The following MCPH1 variants were observed in gnomAD, a reference collection of about 807,000 sequenced individuals.
The protein encoded by MCPH1 is microcephalin 1.
MCPH1 carries 104 observed loss-of-function variants against 84.5 expected under a neutral mutation model. The observed-to-expected ratio is 1.23, with a 90% CI of 1.05 to 1.45. The LOEUF (loss-of-function observed/expected upper bound fraction) is 1.45. Ranked by LOEUF, MCPH1 falls within the 40% of genes most tolerant of loss-of-function variation. The probability of loss-of-function intolerance (pLI) is 0.00; values close to 1 mark genes in which losing one functional copy is unlikely to be tolerated. For synonymous variants in MCPH1, 514 were observed against 366.8 expected, an observed-to-expected ratio of 1.40 and a Z score of -4.58; for missense variants, 1,498 against 1,005.7, an observed-to-expected ratio of 1.49 and a Z score of -6.62.
chr8:6,434,150 C>A (rs1802297668), intron 4 of MCPH1, among the ~76,000 whole-genome samples: 1 of 152,190 alleles, frequency 6.6e-6, no homozygotes, highest in South Asian at 2.1e-4. Flanking sequence ...ACTGGCTCCT[C>A]CTAACACACT....
intron 12 of MCPH1, chr8:6,620,102 T>A (rs951395312): frequency 6.6e-6 from 1 of 152,186 alleles, no homozygotes; most frequent in Non-Finnish European, 1.5e-5. Context: ...TTCCACTGCC[T>A]ATCTCGCAGG....
At chr8:6,551,265 A>G (rs1409245033) in intron 12 of MCPH1, among the ~76,000 whole-genome samples, 1 of 151,898 alleles carries the variant, frequency 6.6e-6, no homozygotes, top group African/African-American at 2.4e-5. Context: ...GAGACTGTTT[A>G]TTTTAGTGGT....
chr8:6,507,643 C>G (rs1198393194), intron 12 of MCPH1: 1 of 135,450 alleles, frequency 7.4e-6, no homozygotes, highest in South Asian at 2.3e-4. Context: ...GTGGCACGAT[C>G]TTGGGTTACT....
chr8:6,592,769 C>G (rs1828602496), intron 12 of MCPH1, among the ~76,000 whole-genome samples: 2 of 151,440 alleles, frequency 1.3e-5, no homozygotes, highest in Admixed American at 6.6e-5. Flanking sequence ...ATCCTCCAAC[C>G]TCAGCCTCCT....
intron 12 of MCPH1, among the ~76,000 whole-genome samples, chr8:6,611,804 G>A (rs1830297180): frequency 6.6e-6 from 1 of 152,046 alleles, no homozygotes; most frequent in African/African-American, 2.4e-5. Flanking sequence ...ATTTTTAGCG[G>A]AGACGGGGTT....
chr8:6,422,826 C>G (rs1333971830), intron 3 of MCPH1, among the ~76,000 whole-genome samples: 2 of 152,062 alleles, frequency 1.3e-5, no homozygotes, highest in East Asian at 1.9e-4. Context: ...GTAGCTGGGA[C>G]TACCGGAGCC....
chr8:6,501,440 A>T (rs1275527007), intron 12 of MCPH1: 1 of 152,178 alleles, frequency 6.6e-6, no homozygotes, highest in Non-Finnish European at 1.5e-5. Context: ...CTTTACACAA[A>T]TGTTCATTAG....
intron 13 of MCPH1, chr8:6,625,617 A>C (rs1831991401): frequency 3.0e-6 from 3 of 985,402 alleles, no homozygotes; most frequent in Non-Finnish European, 3.6e-6. Context: ...CTGCTTTGTA[A>C]GGTAGGGTCC....
At position 6,508,737 on chromosome 8, in the gene MCPH1, C is replaced by T. The variant is rs147336625; in HGVS notation, c.2214+8808C>T. On this transcript the variant is annotated intron_variant, in intron 12 of 13. Coordinates refer to ENST00000344683, the MANE Select transcript of MCPH1 (RefSeq NM_024596.5). ...ACAGTTGGCTTGCTGACAAGTCTAG[C>T]TCCATATCATATTCTCACTTAAAAC... The T allele has an allele frequency of 3.6e-5, 27 of 747,944 alleles. No individual in the cohort carries two copies. The African/African-American group carries it at 4.0e-4, about 11-fold the overall frequency. The allele number at this position is 747,944 out of a possible 1,614,324, so 46.3% of individuals were successfully genotyped here.
chr8:6,509,935 A>G (rs1314045541), intron 12 of MCPH1, among the ~76,000 whole-genome samples: 4 of 152,176 alleles, frequency 2.6e-5, no homozygotes, highest in Non-Finnish European at 5.9e-5. Context: ...ATCATGAGGG[A>G]GCATCGTGCC....
intron 12 of MCPH1, among the ~76,000 whole-genome samples, chr8:6,579,991 C>T (rs1336757242): frequency 6.6e-6 from 1 of 152,212 alleles, no homozygotes; most frequent in Non-Finnish European, 1.5e-5. Context: ...GTGGCTGCCC[C>T]ATCCCTGGCC....
intron 12 of MCPH1, among the ~76,000 whole-genome samples, chr8:6,610,763 C>T (rs774492965): frequency 6.6e-6 from 1 of 152,080 alleles, no homozygotes; most frequent in South Asian, 2.1e-4. Context: ...GTTGACAGAA[C>T]TGTCTTCATA....
intron 9 of MCPH1, among the ~76,000 whole-genome samples, chr8:6,463,236 G>C (rs1216021900): frequency 6.6e-6 from 1 of 152,188 alleles, no homozygotes; most frequent in African/African-American, 2.4e-5. Context: ...GCAGAAGACT[G>C]AGTTCTGCGG....
At chr8:6,464,681 C>CTCT (rs1447263181) in intron 9 of MCPH1, among the ~76,000 whole-genome samples, 2 of 152,194 alleles carry the variant, frequency 1.3e-5, no homozygotes, top group Non-Finnish European at 2.9e-5. Context: ...AAGAGAGGAG[C>CTCT]TAGCCGAAGA....
chr8:6,459,064 A>C (rs909031858), intron 9 of MCPH1, among the ~76,000 whole-genome samples: 1 of 152,370 alleles, frequency 6.6e-6, no homozygotes, highest in South Asian at 2.1e-4. Flanking sequence ...ACTAAAATTT[A>C]GTTTCCTGGT....
chr8:6,577,972 C>T (rs1347795218), intron 12 of MCPH1, among the ~76,000 whole-genome samples: 4 of 152,130 alleles, frequency 2.6e-5, no homozygotes, highest in Non-Finnish European at 4.4e-5. Context: ...TTGCTGTGTG[C>T]GATCCTGTGA....
intron 12 of MCPH1, among the ~76,000 whole-genome samples, chr8:6,601,055 G>A (rs1829319944): frequency 6.6e-6 from 1 of 152,162 alleles, no homozygotes; most frequent in Non-Finnish European, 1.5e-5. Flanking sequence ...CCTGTGGGCT[G>A]GGGGCTGGCT....
intron 8 of MCPH1, among the ~76,000 whole-genome samples, chr8:6,453,951 C>A (rs1302235213): frequency 6.6e-6 from 1 of 152,124 alleles, no homozygotes; most frequent in Non-Finnish European, 1.5e-5. Flanking sequence ...AGGGCCCAGG[C>A]TGCAAATAAC....
chr8:6,625,007 C>G (rs1252232337), intron 13 of MCPH1: 2 of 518,148 alleles, frequency 3.9e-6, no homozygotes, highest in Non-Finnish European at 5.0e-6. Flanking sequence ...TTCCCAGTAG[C>G]TGGAATTACA....
Sources: allele counts gnomAD v4.1 joint callset (sites outside exome capture counted in the v4.1 genomes callset), GRCh38; gene constraint gnomAD v4.1.1; transcripts MANE v1.5; gene names NCBI Gene and HGNC (gene_info 2026-07-23, HGNC 2026-07-21).